TBPL1: variants seen among roughly 807,000 people sequenced by gnomAD.
TBPL1 encodes TATA-box binding protein like 1.
Under a neutral mutation model 22.1 loss-of-function variants are expected in TBPL1, and 4 were observed. The ratio of observed to expected loss-of-function variants is 0.18; its 90% CI spans 0.09 to 0.41. The LOEUF is 0.41. Among genes scored for constraint, TBPL1 ranks in the 10% least tolerant of loss-of-function variants. The probability of loss-of-function intolerance (pLI) is 1.00; values close to 1 mark genes in which losing one functional copy is unlikely to be tolerated. For synonymous variants in TBPL1, 64 were observed against 71.0 expected, an observed-to-expected ratio of 0.90 and a Z score of 0.50; for missense variants, 115 against 222.3, an observed-to-expected ratio of 0.52 and a Z score of 3.07.
At chr6:133,975,054 T>C (rs1432070508) in intron 1 of TBPL1, among the ~76,000 whole-genome samples, 5 of 152,026 alleles carry the variant, frequency 3.3e-5, no homozygotes, top group Non-Finnish European at 5.9e-5. Flanking sequence ...TTTAAGAAAT[T>C]AGAAAAAGAA....
intron 1 of TBPL1, among the ~76,000 whole-genome samples, chr6:133,975,377 ACT>A (rs1419267901): frequency 1.3e-5 from 2 of 150,742 alleles, no homozygotes; most frequent in Non-Finnish European, 3.0e-5. Context: ...TTATTTTAAA[ACT>A]CTTAAAGAAA....
At chr6:133,956,765 C>G (rs1211507957) in intron 1 of TBPL1, among the ~76,000 whole-genome samples, 1 of 152,184 alleles carries the variant, frequency 6.6e-6, no homozygotes, top group African/African-American at 2.4e-5. Context: ...GTGACACTTT[C>G]TCAAGCATGA....
At chr6:133,967,086 A>G (rs1776133144) in intron 1 of TBPL1, among the ~76,000 whole-genome samples, 1 of 152,128 alleles carries the variant, frequency 6.6e-6, no homozygotes, top group Admixed American at 6.5e-5. Context: ...CACTTTTCTC[A>G]CCGTAGCCAT....
rs990951816 is a variant in TBPL1, at chr6:133,990,221, A to G, written c.*3181A>G. The G allele has an allele frequency of 2.0e-5, 3 of 152,628 alleles. No individual in the cohort carries two copies. The highest frequency in any genetic ancestry group is 6.5e-5 in the Admixed American group (1 of 15,272). 9.5% of individuals were successfully genotyped at this position (152,628 alleles called of 1,614,324 possible). On this transcript the variant is annotated 3_prime_UTR_variant, in exon 7 of 7. Coordinates refer to ENST00000237264, the MANE Select transcript of TBPL1 (RefSeq NM_004865.4). ...TAGCCTGTGTACCGTAACCTGAGGT[A>G]GTGATATTCCTGAGGAGTGTGAAGA...
intron 1 of TBPL1, among the ~76,000 whole-genome samples, chr6:133,976,680 A>T (rs1776318026): frequency 6.6e-6 from 1 of 152,198 alleles, no homozygotes; most frequent in Non-Finnish European, 1.5e-5. Context: ...AGGCAATCAG[A>T]TGCTTTGTAG....
chr6:133,972,368 A>G (rs1197215889), intron 1 of TBPL1, among the ~76,000 whole-genome samples: 1 of 152,248 alleles, frequency 6.6e-6, no homozygotes, highest in Non-Finnish European at 1.5e-5. Context: ...CTAATCAAGG[A>G]CCATGTTATA....
At chr6:133,964,766 C>T (rs1263483813) in intron 1 of TBPL1, among the ~76,000 whole-genome samples, 1 of 152,064 alleles carries the variant, frequency 6.6e-6, no homozygotes, top group East Asian at 1.9e-4. Flanking sequence ...TTTTATTTTC[C>T]CAAGTAACTA....
chr6:133,954,287 G>A (rs771507278), intron 1 of TBPL1, among the ~76,000 whole-genome samples: 3 of 152,222 alleles, frequency 2.0e-5, no homozygotes, highest in Non-Finnish European at 4.4e-5. Context: ...TTAGAACAGT[G>A]CCTTAAAACT....
chr6:133,972,256 C>A (rs531561001), intron 1 of TBPL1, among the ~76,000 whole-genome samples: 2 of 152,292 alleles, frequency 1.3e-5, no homozygotes, highest in South Asian at 4.1e-4. Context: ...ACAAAATTAA[C>A]AGTAATTTCA....
At chr6:133,961,474 T>C (rs1776022749) in intron 1 of TBPL1, among the ~76,000 whole-genome samples, 1 of 146,692 alleles carries the variant, frequency 6.8e-6, no homozygotes, top group Non-Finnish European at 1.5e-5. Context: ...TCTTTTTTTT[T>C]TTTTTTTTTT....
chr6:133,974,249 TTAAC>T (rs762788498), intron 1 of TBPL1, among the ~76,000 whole-genome samples: 3 of 152,250 alleles, frequency 2.0e-5, no homozygotes, highest in Non-Finnish European at 2.9e-5. Flanking sequence ...TGTACTGTAT[TTAAC>T]TAGTTCCTTT....
At chr6:133,982,020 T>C (rs1776424399) in intron 2 of TBPL1, among the ~76,000 whole-genome samples, 1 of 152,138 alleles carries the variant, frequency 6.6e-6, no homozygotes, top group African/African-American at 2.4e-5. Flanking sequence ...TAGGATGCAA[T>C]ATAAAGTAGT....
At chr6:133,964,421 T>TTTTTG (rs1776081913) in intron 1 of TBPL1, among the ~76,000 whole-genome samples, 1 of 151,962 alleles carries the variant, frequency 6.6e-6, no homozygotes, top group Admixed American at 6.6e-5. Context: ...CTGTTTGTTT[T>TTTTTG]TTTTGTTTTG....
chr6:133,958,121 T>C (rs1209028321), intron 1 of TBPL1, among the ~76,000 whole-genome samples: 1 of 152,234 alleles, frequency 6.6e-6, no homozygotes, highest in Non-Finnish European at 1.5e-5. Context: ...TCTCTGTTTC[T>C]TGGAAAAGGA....
At chr6:133,964,544 G>T (rs571705767) in intron 1 of TBPL1, among the ~76,000 whole-genome samples, 15 of 150,346 alleles carry the variant, frequency 1.0e-4, no homozygotes, top group African/African-American at 3.2e-4. Context: ...TCCGTCTCCC[G>T]GGTTCACGCC....
intron 1 of TBPL1, among the ~76,000 whole-genome samples, chr6:133,954,262 T>G (rs186750827): frequency 2.0e-5 from 3 of 152,314 alleles, no homozygotes; most frequent in Admixed American, 1.3e-4. Flanking sequence ...GTGCATGAGC[T>G]TCTGTATTTA....
At chr6:133,982,697 C>T (rs537718449) in intron 3 of TBPL1, 47 bp downstream of exon 3, 4 of 1,596,232 alleles carry the variant, frequency 2.5e-6, no homozygotes, top group African/African-American at 2.7e-5. Flanking sequence ...CTTTTTCCCT[C>T]ATGGAAAGGA....
chr6:133,987,124 C>A lies in TBPL1; in HGVS notation c.*84C>A, dbSNP rs1582588691. Reference sequence around the variant, plus strand: ...GGACTCAAAAGGAAAACTGGACCAACAATAATTGAGGAAATAGACTCTTTT... The same window carrying A: ...GGACTCAAAAGGAAAACTGGACCAAAAATAATTGAGGAAATAGACTCTTTT... On this transcript the variant is annotated 3_prime_UTR_variant, in exon 7 of 7. Coordinates refer to ENST00000237264, the MANE Select transcript of TBPL1 (RefSeq NM_004865.4). 4 of 847,180 alleles carry A rather than the reference C, an allele frequency of 4.7e-6. No homozygotes were observed. The South Asian group carries it at 5.3e-5, about 11-fold the overall frequency. 52.5% of individuals were successfully genotyped at this position (847,180 alleles called of 1,614,324 possible).
Position 133,985,276 on chromosome 6 carries a change from T to TTAAAAAAAAAAAAA in TBPL1, c.481+605_481+606insTAAAAAAAAAAAAA. ...ACTGGCAACAGAGTGAGACTCTGTC[T>TTAAAAAAAAAAAAA]AAAAAAAAAAAAAAAAAAAAAATAT... On this transcript the variant is annotated intron_variant, in intron 6 of 6. Transcript: ENST00000237264. Among the ~76,000 whole-genome samples the TTAAAAAAAAAAAAA allele has an allele frequency of 1.5e-4, 2 of 12,918 alleles. 1 individual carries two copies. Among genetic ancestry groups the TTAAAAAAAAAAAAA allele is most frequent in the East Asian group, 2.2e-3 (2 of 910 alleles). 8.5% of individuals were successfully genotyped at this position (12,918 alleles called of 152,430 possible). A position where few individuals can be genotyped will look rare whatever the true frequency, so the allele number is the denominator to read the frequency against.
Sources: allele counts gnomAD v4.1 joint callset (sites outside exome capture counted in the v4.1 genomes callset), GRCh38; gene constraint gnomAD v4.1.1; transcripts MANE v1.5; gene names NCBI Gene and HGNC (gene_info 2026-07-23, HGNC 2026-07-21).